Variants in RP1L1 observed in about 807,000 individuals in gnomAD.
RP1L1 encodes retinitis pigmentosa 1-like 1 protein.
RP1L1 carries 27 observed loss-of-function variants against 15.7 expected under a neutral mutation model. That is an observed-to-expected ratio of 1.72 (90% confidence interval 1.27 to 2.38). The LOEUF is 2.38. Among genes scored for constraint, RP1L1 ranks in the 30% most tolerant of loss-of-function variants. RP1L1 has a pLI of 0.00. For missense variants in RP1L1, 4,798 were observed against 3,075.9 expected, an observed-to-expected ratio of 1.56 and a Z score of -13.24; for synonymous variants, 1,813 against 1,276.7, an observed-to-expected ratio of 1.42 and a Z score of -8.96.
chr8:10,632,642 T>C (rs1798269592), intron 1 of RP1L1, among the ~76,000 whole-genome samples: 1 of 152,248 alleles, frequency 6.6e-6, no homozygotes, highest in South Asian at 2.1e-4. Context: ...ATGAGGCCGC[T>C]GACTTTGGCT....
Position 10,610,046 on chromosome 8 carries a change from T to C in RP1L1, c.4052A>G (p.Glu1351Gly). The C allele has an allele frequency of 3.1e-6, 4 of 1,295,608 alleles. No individual in the cohort carries two copies. Among genetic ancestry groups the C allele is most frequent in the South Asian group, 2.7e-5 (2 of 75,082 alleles). 80.3% of individuals were successfully genotyped at this position (1,295,608 alleles called of 1,614,324 possible). A position where few individuals can be genotyped will look rare whatever the true frequency, so the allele number is the denominator to read the frequency against. ...TKETEGEGQQ[E>G]EEAQLEEIEE... The stretch of plus-strand genomic sequence containing the variant: ...AATTTCCTCTAACTGCGCCTCTTCT[T>C]CTTGCTGTCCTTCTCCTTCTGTTTC... Residue 1351 changes from glutamate (E) to glycine (G), a missense_variant, in exon 4 of 4, where the codon GAA becomes GGA. Glu to Gly is a moderately conservative substitution (Grantham distance 98, BLOSUM62 -2). Coordinates refer to ENST00000382483, the MANE Select transcript of RP1L1 (RefSeq NM_178857.6).
At chr8:10,637,864 C>G (rs950509551) in intron 1 of RP1L1, among the ~76,000 whole-genome samples, 4 of 152,124 alleles carry the variant, frequency 2.6e-5, no homozygotes, top group Admixed American at 2.6e-4. Flanking sequence ...TGAAAGGAAA[C>G]ACAAACTCCA....
In RP1L1 at chr8:10,612,461, C is replaced by A. The variant is rs376876283; in HGVS notation, c.1637G>T (p.Ser546Ile). 29 of 1,612,628 alleles carry A rather than the reference C, an allele frequency of 1.8e-5. No homozygotes were observed. Among genetic ancestry groups the A allele is most frequent in the Non-Finnish European group, 2.3e-5 (27 of 1,180,028 alleles). The change falls in exon 4 of 4, where the codon AGC becomes ATC. Residue 546 changes from serine to isoleucine, a missense_variant. Transcript: ENST00000382483. ...SASTGSHEGS[S>I]EWGGRPQGCP... ...GCCCTGGGGCCGCCCACCCCATTCG[C>A]TGGATCCCTCATGAGAGCCGGTGCT...
At position 10,622,559 on chromosome 8, in the gene RP1L1, C is replaced by G. The variant is rs750239731; in HGVS notation, c.609+34G>C. 9 of 1,613,798 alleles carry G rather than the reference C, an allele frequency of 5.6e-6. No homozygotes were observed. In the African/African-American group the frequency reaches 6.7e-5, roughly 12 times the overall value. On this transcript the variant is annotated intron_variant, in intron 2 of 3. Coordinates refer to ENST00000382483, the MANE Select transcript of RP1L1 (RefSeq NM_178857.6). ...TATTTTGACCTCAGGTCTAAAGAACCTTTTCAAGGAACCGTCAGACCCCAA... is the reference window on the plus strand; with the variant it reads ...TATTTTGACCTCAGGTCTAAAGAACGTTTTCAAGGAACCGTCAGACCCCAA...
At chr8:10,624,764 G>T (rs1252673372) in intron 1 of RP1L1, among the ~76,000 whole-genome samples, 1 of 152,176 alleles carries the variant, frequency 6.6e-6, no homozygotes, top group Non-Finnish European at 1.5e-5. Context: ...CTGCGTCGGG[G>T]TGTTCAAAAC....
intron 1 of RP1L1, among the ~76,000 whole-genome samples, chr8:10,650,700 T>C (rs1466120494): frequency 6.6e-6 from 1 of 152,074 alleles, no homozygotes; most frequent in Non-Finnish European, 1.5e-5. Context: ...TAGCTGCAAC[T>C]ACAGGTGTGT....
At chr8:10,638,044 G>C (rs527892319) in intron 1 of RP1L1, among the ~76,000 whole-genome samples, 2 of 152,344 alleles carry the variant, frequency 1.3e-5, no homozygotes, top group South Asian at 4.1e-4. Flanking sequence ...AGCTCAGGAG[G>C]CACAGCCACT....
chr8:10,638,060 T>C (rs1159450969), intron 1 of RP1L1, among the ~76,000 whole-genome samples: 1 of 152,240 alleles, frequency 6.6e-6, no homozygotes, highest in Non-Finnish European at 1.5e-5. Context: ...CCACTGATCC[T>C]GGGAAGCGTG....
Position 10,608,877 on chromosome 8 carries a change from C to G in RP1L1, c.5221G>C (p.Asp1741His), listed in dbSNP as rs773982540. The G allele has an allele frequency of 6.2e-7, 1 of 1,614,032 alleles. No individual in the cohort carries two copies. Among genetic ancestry groups the G allele is most frequent in the Admixed American group, 1.7e-5 (1 of 60,028 alleles). The change falls in exon 4 of 4, where the codon GAC becomes CAC. Residue 1741 changes from aspartate to histidine, a missense_variant. Transcript: ENST00000382483. ...GPGLSQGPGV[D>H]EGEDGEGSQR... is the part of the protein sequence containing the mutation. Reference sequence around the variant, plus strand: ...CTCCCCTCGCCATCCTCACCCTCGTCCACTCCAGGCCCCTGGCTCAGCCCC... The same window carrying G: ...CTCCCCTCGCCATCCTCACCCTCGTGCACTCCAGGCCCCTGGCTCAGCCCC...
rs1207551571 is a variant in RP1L1, at chr8:10,610,527, C to T, written c.3571G>A (p.Glu1191Lys). The T allele has an allele frequency of 6.2e-7, 1 of 1,613,744 alleles. No homozygotes were observed. The highest frequency in any genetic ancestry group is 1.7e-5 in the Admixed American group (1 of 60,026). Residue 1191 changes from glutamate to lysine, a missense_variant, in exon 4 of 4, where the codon GAG (glutamate) becomes AAG (lysine). Glu to Lys is a moderately conservative substitution (Grantham distance 56). Transcript: ENST00000382483. ...LPDLGSHAMT[E>K]NFTPTSSSGV... ...GAGGAGGATGTGGGCGTGAAGTTCTCCGTCATGGCATGGGACCCAAGGTCT... is the reference window on the plus strand; with the variant it reads ...GAGGAGGATGTGGGCGTGAAGTTCTTCGTCATGGCATGGGACCCAAGGTCT...
intron 2 of RP1L1, among the ~76,000 whole-genome samples, chr8:10,619,614 T>C (rs1275381215): frequency 6.6e-6 from 1 of 152,110 alleles, no homozygotes; most frequent in East Asian, 1.9e-4. Context: ...CCTCTGAGTG[T>C]AATTCTTTCC....
At position 10,606,552 on chromosome 8, in the gene RP1L1, A is replaced by G; in HGVS notation, c.*343T>C. On this transcript the variant is annotated 3_prime_UTR_variant, in exon 4 of 4. Transcript: ENST00000382483. The stretch of plus-strand genomic sequence containing the variant: ...AGAGCAACACTTGCTAGCAGAAAAC[A>G]AACCCACAAACAAAAGCTAAACTGG... The G allele has an allele frequency of 3.2e-6, 1 of 309,552 alleles. No individual in the cohort carries two copies. Among genetic ancestry groups the G allele is most frequent in the Non-Finnish European group, 6.0e-6 (1 of 165,788 alleles). 19.2% of individuals were successfully genotyped at this position (309,552 alleles called of 1,614,324 possible).
chr8:10,643,552 G>A (rs1273082625), intron 1 of RP1L1, among the ~76,000 whole-genome samples: 7 of 152,060 alleles, frequency 4.6e-5, no homozygotes, highest in Admixed American at 2.6e-4. Context: ...TCTCAGAAAG[G>A]AGAGAAAAGC....
chr8:10,611,971 C>T lies in RP1L1; in HGVS notation c.2127G>A (p.Ser709=), dbSNP rs367955605. The part of the protein sequence containing the change: ...GSVPRYSGSS[S]STRTQASGNL... ...TCCCAGAGGCCTGTGTCCTGGTGCT[C>T]GATGAGCTTCCAGAATATCGTGGCA... The change falls in exon 4 of 4, where the codon TCG becomes TCA. Residue 709 remains serine (S), a synonymous_variant. Coordinates refer to ENST00000382483, the MANE Select transcript of RP1L1 (RefSeq NM_178857.6). 465 of 1,613,798 alleles carry T rather than the reference C, an allele frequency of 2.9e-4. 7 individuals are homozygous for T. The South Asian group carries it at 4.7e-3, about 16-fold the overall frequency.
In RP1L1 at chr8:10,613,514, A is replaced by C. The variant is rs560261579; in HGVS notation, c.752-168T>G. Among the ~76,000 whole-genome samples, 4 of 151,426 alleles carry C rather than the reference A, an allele frequency of 2.6e-5. No individual in the cohort carries two copies. The South Asian group carries it at 8.4e-4, about 32-fold the overall frequency. On this transcript the variant is annotated intron_variant, in intron 3 of 3. Transcript: ENST00000382483. ...CGCGGTGGCTCAGGCCTGTAATCCAAGCACTTTGGGAGGCCGAGGCGGGAG... is the reference window on the plus strand; with the variant it reads ...CGCGGTGGCTCAGGCCTGTAATCCACGCACTTTGGGAGGCCGAGGCGGGAG...
intron 1 of RP1L1, among the ~76,000 whole-genome samples, chr8:10,645,790 A>T (rs559034655): frequency 2.0e-5 from 3 of 152,102 alleles, no homozygotes; most frequent in African/African-American, 7.2e-5. Context: ...AGTCAATTAG[A>T]CCAGGCAGAA....
chr8:10,645,207 G>A (rs1798459137), intron 1 of RP1L1, among the ~76,000 whole-genome samples: 1 of 152,068 alleles, frequency 6.6e-6, no homozygotes, highest in Admixed American at 6.5e-5. Context: ...CACACCTGTA[G>A]TCCCAGCTAC....
rs1797717454 is a variant in RP1L1, at chr8:10,607,150, A to AT, written c.6947dup (p.Asn2316LysfsTer2). The AT allele has an allele frequency of 6.2e-7, 1 of 1,614,090 alleles. No homozygotes were observed. Among genetic ancestry groups the AT allele is most frequent in the Non-Finnish European group, 8.5e-7 (1 of 1,180,012 alleles). On this transcript the variant is annotated frameshift_variant, in exon 4 of 4. Transcript: ENST00000382483. LOFTEE classifies it low-confidence loss of function (END_TRUNC). ...TCCTTGTGTCTCCAAGTACATGGTC[A>AT]TTTTCTGAGTCTTTCTGCCAGCAGT...
intron 2 of RP1L1, among the ~76,000 whole-genome samples, chr8:10,616,893 C>T (rs1797976781): frequency 6.6e-6 from 1 of 152,204 alleles, no homozygotes; most frequent in Non-Finnish European, 1.5e-5. Context: ...GGCCGCATTT[C>T]TGCCCACATG....
Sources: allele counts gnomAD v4.1 joint callset (sites outside exome capture counted in the v4.1 genomes callset), GRCh38; gene constraint gnomAD v4.1.1; transcripts MANE v1.5; gene names NCBI Gene and HGNC (gene_info 2026-07-23, HGNC 2026-07-21).